TRAF2: variants seen among roughly 807,000 people sequenced by gnomAD.
TRAF2 encodes TNF receptor-associated factor 2.
Under a neutral mutation model 55.6 loss-of-function variants are expected in TRAF2, and 6 were observed. The ratio of observed to expected loss-of-function variants is 0.11; its 90% CI spans 0.06 to 0.21. The LOEUF is 0.21. Among genes scored for constraint, TRAF2 ranks in the 10% least tolerant of loss-of-function variants. The pLI, the probability that TRAF2 is intolerant of heterozygous loss-of-function variation, is 1.00. For synonymous variants in TRAF2, 329 were observed against 276.3 expected, an observed-to-expected ratio of 1.19 and a Z score of -1.89; for missense variants, 561 against 684.5, an observed-to-expected ratio of 0.82 and a Z score of 2.01.
intron 1 of TRAF2, among the ~76,000 whole-genome samples, chr9:136,897,560 C>T (rs1390722266): frequency 6.6e-6 from 1 of 151,118 alleles, no homozygotes; most frequent in African/African-American, 2.4e-5. Flanking sequence ...ATGCACTAGC[C>T]AGCCCCAGGT....
chr9:136,906,381 G>A (rs1046489617), intron 4 of TRAF2, among the ~76,000 whole-genome samples: 1 of 152,206 alleles, frequency 6.6e-6, no homozygotes, highest in African/African-American at 2.4e-5. Context: ...CAATCATGGA[G>A]GAAGGCAAAG....
chr9:136,908,625 G>C (rs1850017501), intron 5 of TRAF2, among the ~76,000 whole-genome samples: 1 of 152,174 alleles, frequency 6.6e-6, no homozygotes, highest in African/African-American at 2.4e-5. Flanking sequence ...CCAGCACTTT[G>C]GGAGGCCGAG....
At position 136,912,916 on chromosome 9, in the gene TRAF2, T is replaced by C. The variant is rs557211859; in HGVS notation, c.603+2922T>C. On this transcript the variant is annotated intron_variant, in intron 6 of 10. Transcript: ENST00000247668. Reference sequence around the variant, plus strand: ...GGGAAGCCAAGGCAGGTGGATCACCTGAGGTCAGGAGATCAAAACCAGCCT... The same window carrying C: ...GGGAAGCCAAGGCAGGTGGATCACCCGAGGTCAGGAGATCAAAACCAGCCT... 3.9e-5 allele frequency among the ~76,000 whole-genome samples: 6 copies of C among 152,252 alleles called. No homozygotes were observed. The East Asian group carries it at 1.2e-3, about 29-fold the overall frequency.
intron 9 of TRAF2, among the ~76,000 whole-genome samples, chr9:136,922,226 TCA>T (rs1850403425): frequency 6.6e-6 from 1 of 152,092 alleles, no homozygotes; most frequent in African/African-American, 2.4e-5. Flanking sequence ...GAAACAAAAC[TCA>T]CACTCTTTCT....
At chr9:136,887,896 T>A (rs1241613369) in intron 1 of TRAF2, among the ~76,000 whole-genome samples, 2 of 152,020 alleles carry the variant, frequency 1.3e-5, no homozygotes, top group Admixed American at 1.3e-4. Context: ...TTTGAGATAG[T>A]TTTGGTCTTG....
At chr9:136,900,621 C>T (rs143062465) in intron 4 of TRAF2, 101 bp downstream of exon 4, 22 of 933,804 alleles carry the variant, frequency 2.4e-5, no homozygotes, top group Middle Eastern at 2.1e-4. Flanking sequence ...GTTCCTCTCA[C>T]TGGGGCTGAA....
rs1470370345 is a variant in TRAF2, at chr9:136,916,634, G to A, written c.678+19G>A. On this transcript the variant is annotated intron_variant, in intron 7 of 10. Coordinates refer to ENST00000247668, the MANE Select transcript of TRAF2 (RefSeq NM_021138.4). ...CGAGACGGTGAGTCGGGGGGTCTGAGGTTGGGGGCCACCCCTCATCCTGGG... is the reference window on the plus strand; with the variant it reads ...CGAGACGGTGAGTCGGGGGGTCTGAAGTTGGGGGCCACCCCTCATCCTGGG... 3.1e-6 allele frequency: 5 copies of A among 1,612,666 alleles called. No individual in the cohort carries two copies. The African/African-American group carries it at 4.0e-5, about 13-fold the overall frequency.
intron 6 of TRAF2, among the ~76,000 whole-genome samples, chr9:136,911,277 T>C (rs921923662): frequency 1.3e-4 from 19 of 151,262 alleles, no homozygotes; most frequent in Admixed American, 1.2e-3. Context: ...TTTTTTTTTT[T>C]TTTTTTTGGA....
At chr9:136,896,681 C>G (rs1160596123) in intron 1 of TRAF2, among the ~76,000 whole-genome samples, 1 of 152,076 alleles carries the variant, frequency 6.6e-6, no homozygotes, top group African/African-American at 2.4e-5. Context: ...CGCTCTGTCA[C>G]CCAGGCTGGA....
At chr9:136,900,585 C>G (rs762789101) in intron 4 of TRAF2, 65 bp downstream of exon 4, 1 of 1,336,542 alleles carries the variant, frequency 7.5e-7, no homozygotes, top group Non-Finnish European at 1.1e-6. Flanking sequence ...CCACGCTCCC[C>G]AAGCAGTTAT....
At chr9:136,884,543 G>A (rs1849411695), upstream of TRAF2, among the ~76,000 whole-genome samples, 1 of 148,566 alleles carries the variant, frequency 6.7e-6, no homozygotes, top group African/African-American at 2.5e-5. Flanking sequence ...CTGGGTGACA[G>A]AGCAAGACAC....
chr9:136,924,455 G>A (rs1486863879), intron 10 of TRAF2, among the ~76,000 whole-genome samples: 1 of 151,910 alleles, frequency 6.6e-6, no homozygotes, highest in South Asian at 2.1e-4. Context: ...CCAGCTATTC[G>A]GGAGGCTAAG....
rs748531430 is a variant in TRAF2 at position 136,898,759 on chromosome 9, A to AC, written c.26dup (p.Gly10TrpfsTer70). The AC allele has an allele frequency of 7.4e-6, 12 of 1,612,070 alleles. No homozygotes were observed. Among genetic ancestry groups the AC allele is most frequent in the African/African-American group, 1.3e-5 (1 of 74,452 alleles). ...AGCTCTCATGGCTGCAGCTAGCGTG[A>AC]CCCCCCCTGGCTCCCTGGAGTTGCT... On this transcript the variant is annotated frameshift_variant, in exon 2 of 11. Transcript: ENST00000247668. LOFTEE classifies it high-confidence loss of function.
Position 136,925,984 on chromosome 9 carries a change from C to T in TRAF2, c.*83C>T, listed in dbSNP as rs776242344. 3.2e-6 allele frequency: 5 copies of T among 1,543,814 alleles called. No homozygotes were observed. The highest frequency in any genetic ancestry group is 2.3e-5 in the East Asian group (1 of 44,232). On this transcript the variant is annotated 3_prime_UTR_variant, in exon 11 of 11. Transcript: ENST00000247668. ...GGGCCACCACGCTGGGCCAGGGTCT[C>T]ACTGTACAAGTGGGCAGGGGCCGCG...
intron 6 of TRAF2, among the ~76,000 whole-genome samples, chr9:136,913,125 AGAGT>A (rs1389592428): frequency 3.3e-5 from 5 of 152,072 alleles, no homozygotes; most frequent in Admixed American, 3.3e-4. Context: ...CCTGGGCCAC[AGAGT>A]GAAACTCCAT....
chr9:136,896,718 G>C (rs986362236), intron 1 of TRAF2, among the ~76,000 whole-genome samples: 1 of 151,928 alleles, frequency 6.6e-6, no homozygotes, highest in African/African-American at 2.4e-5. Context: ...TTGGCTCACT[G>C]CAACCTCAGC....
In TRAF2 at chr9:136,916,951, C is replaced by T. The variant is rs17250511; in HGVS notation, c.678+336C>T. Among the ~76,000 whole-genome samples the T allele has an allele frequency of 4.0e-3, 614 of 152,256 alleles. 5 individuals are homozygous for T. The highest frequency in any genetic ancestry group is 0.014 in the African/African-American group (600 of 41,542). ...CGGCTCGCCACGACCACTCCTTGGCCGCTGTCTCCCTGCCCCCATCTCACA... is the reference window on the plus strand; with the variant it reads ...CGGCTCGCCACGACCACTCCTTGGCTGCTGTCTCCCTGCCCCCATCTCACA... On this transcript the variant is annotated intron_variant, in intron 7 of 10. Coordinates refer to ENST00000247668, the MANE Select transcript of TRAF2 (RefSeq NM_021138.4).
intron 1 of TRAF2, among the ~76,000 whole-genome samples, chr9:136,888,521 G>A (rs1849505640): frequency 6.6e-6 from 1 of 152,306 alleles, no homozygotes; most frequent in African/African-American, 2.4e-5. Flanking sequence ...CATGAATTGA[G>A]GTTTGAATCT....
intron 1 of TRAF2, among the ~76,000 whole-genome samples, chr9:136,892,735 C>T (rs1358999881): frequency 6.6e-6 from 1 of 151,946 alleles, no homozygotes; most frequent in Admixed American, 6.5e-5. Context: ...CAAAAATTAG[C>T]CAGGCGTGGT....
Sources: gnomAD v4.1 joint callset for allele counts (sites outside exome capture counted in the v4.1 genomes callset) on GRCh38, gnomAD v4.1.1 for gene constraint, MANE v1.5 for transcripts, NCBI Gene and HGNC (gene_info 2026-07-23, HGNC 2026-07-21) for gene names.